TUFT1: variants seen among roughly 807,000 people sequenced by gnomAD.
The protein encoded by TUFT1 is tuftelin.
A neutral mutation model predicts 57.8 loss-of-function variants in TUFT1; 43 were observed. The observed-to-expected ratio is 0.74, with a 90% CI of 0.58 to 0.96. The LOEUF (loss-of-function observed/expected upper bound fraction) is 0.96, where lower values mean the gene tolerates loss of function less well. TUFT1 is among the 40% of genes least tolerant of loss of function. TUFT1 has a pLI of 0.00. For synonymous variants in TUFT1, 166 were observed against 176.7 expected (o/e 0.94, Z 0.48); for missense variants, 459 against 489.0 (o/e 0.94, Z 0.58).
chr1:151,575,127 T>G, intron 9 of TUFT1, 122 bp downstream of exon 9: 2 of 861,404 alleles, frequency 2.3e-6, no homozygotes, highest in Non-Finnish European at 3.6e-6. Context: ...TGTCAGATCT[T>G]CCAGCTCTGA....
chr1:151,562,550 C>CT (rs1364698363), intron 2 of TUFT1, 35 bp from the exon 3 acceptor site: 1 of 1,533,962 alleles, frequency 6.5e-7, no homozygotes, highest in South Asian at 1.1e-5. Context: ...AGCCATCTCT[C>CT]TCTCTCTCTC....
At chr1:151,572,915 GA>G (rs1450615160) in intron 7 of TUFT1, among the ~76,000 whole-genome samples, 1 of 152,204 alleles carries the variant, frequency 6.6e-6, no homozygotes, top group Non-Finnish European at 1.5e-5. Flanking sequence ...AGGCTTTCCA[GA>G]AGTTACCTGG....
chr1:151,549,947 C>G (rs1031124854), intron 1 of TUFT1, among the ~76,000 whole-genome samples: 5 of 152,192 alleles, frequency 3.3e-5, no homozygotes, highest in Non-Finnish European at 7.3e-5. Context: ...GTCTCAAACT[C>G]CTGGACTCAG....
At chr1:151,569,853 C>T in intron 7 of TUFT1, 83 bp downstream of exon 7, 2 of 1,148,260 alleles carry the variant, frequency 1.7e-6, no homozygotes, top group Non-Finnish European at 1.3e-6. Context: ...GCTTGGACTT[C>T]CTGTCTTTCT....
chr1:151,543,086 C>T (rs896923643), intron 1 of TUFT1, among the ~76,000 whole-genome samples: 3 of 152,120 alleles, frequency 2.0e-5, no homozygotes, highest in Non-Finnish European at 1.5e-5. Flanking sequence ...TGTGCCTTAG[C>T]GTATCACATG....
intron 7 of TUFT1, among the ~76,000 whole-genome samples, chr1:151,571,111 G>T (rs1044589819): frequency 1.3e-5 from 2 of 152,222 alleles, no homozygotes; most frequent in African/African-American, 4.8e-5. Context: ...GTTATGATAG[G>T]GTTATAGCCT....
intron 7 of TUFT1, 85 bp from the exon 8 acceptor site, chr1:151,574,185 A>G: frequency 1.3e-6 from 2 of 1,525,834 alleles, no homozygotes; most frequent in Non-Finnish European, 8.8e-7. Flanking sequence ...AGAGCCGCCC[A>G]GGTTCCTGGG....
rs934379423 is a variant in TUFT1, at chr1:151,563,827, G to A, written c.238-77G>A. On this transcript the variant is annotated intron_variant, in intron 3 of 12. Coordinates refer to ENST00000368849, the MANE Select transcript of TUFT1 (RefSeq NM_020127.3). ...GTGGTAACAATTTACCCTCCCACCA[G>A]CACTATATGAAGCTGCCTATTTTTG... 46 of 1,254,758 alleles carry A rather than the reference G, an allele frequency of 3.7e-5. No individual in the cohort carries two copies. In the African/African-American group the frequency reaches 5.9e-4, roughly 16 times the overall value. The allele number at this position is 1,254,758 out of a possible 1,614,324, so 77.7% of individuals were successfully genotyped here. A position where few individuals can be genotyped will look rare whatever the true frequency, so the allele number is the denominator to read the frequency against.
In TUFT1 at chr1:151,566,125, A is replaced by T. The variant is rs371360753; in HGVS notation, c.415-38A>T. On this transcript the variant is annotated intron_variant, in intron 5 of 12. Coordinates refer to ENST00000368849, the MANE Select transcript of TUFT1 (RefSeq NM_020127.3). ...TAATGTTTCAAAGTTGGTTGCTTTC[A>T]TCTGTTTTAACTACCAATTTTATTT... 81 of 1,540,824 alleles carry T rather than the reference A, an allele frequency of 5.3e-5. 1 individual carries two copies. Among genetic ancestry groups the T allele is most frequent in the Non-Finnish European group, 6.9e-5 (78 of 1,138,496 alleles).
At chr1:151,542,258 T>G (rs952519373) in intron 1 of TUFT1, among the ~76,000 whole-genome samples, 1 of 152,130 alleles carries the variant, frequency 6.6e-6, no homozygotes, top group Non-Finnish European at 1.5e-5. Flanking sequence ...CCTTGCTCTG[T>G]TGCCCAGGCT....
chr1:151,582,724 C>G lies in TUFT1; in HGVS notation c.*1017C>G, dbSNP rs919864661. The G allele has an allele frequency of 6.5e-6, 1 of 154,670 alleles. No individual in the cohort carries two copies. The highest frequency in any genetic ancestry group is 1.4e-5 in the Non-Finnish European group (1 of 69,876). The allele number at this position is 154,670 out of a possible 1,614,324, so 9.6% of individuals were successfully genotyped here. A position where few individuals can be genotyped will look rare whatever the true frequency, so the allele number is the denominator to read the frequency against. ...CTCTGCCTGTTTCTTCTCTCTTTCT[C>G]CTTCAAACTTGCTCTGCAGCTAAGG... On this transcript the variant is annotated 3_prime_UTR_variant, in exon 13 of 13. Transcript: ENST00000368849.
Position 151,583,437 on chromosome 1 carries a change from G to A in TUFT1, c.*1730G>A, listed in dbSNP as rs1666703950. The A allele has an allele frequency of 6.6e-6, 1 of 152,212 alleles. No individual in the cohort carries two copies. Among genetic ancestry groups the A allele is most frequent in the Non-Finnish European group, 1.5e-5 (1 of 68,044 alleles). 9.4% of individuals were successfully genotyped at this position (152,212 alleles called of 1,614,324 possible). On this transcript the variant is annotated 3_prime_UTR_variant, in exon 13 of 13. Transcript: ENST00000368849. ...ACATTCTGGCTTTGTCCATAACAAT[G>A]CTCTGGGATTTCAGGGAGTTCCCTC...
intron 2 of TUFT1, 106 bp from the exon 3 acceptor site, chr1:151,562,479 A>T (rs1410370290): frequency 1.0e-6 from 1 of 996,748 alleles, no homozygotes; most frequent in Non-Finnish European, 1.5e-6. Context: ...AAGTCTTTTG[A>T]GAAACAGGTC....
At chr1:151,560,010 G>A (rs1177168327) in intron 1 of TUFT1, among the ~76,000 whole-genome samples, 1 of 151,458 alleles carries the variant, frequency 6.6e-6, no homozygotes. Context: ...TGGCCAGGCT[G>A]GTCTCGAACT....
At chr1:151,547,153 G>A (rs570648962) in intron 1 of TUFT1, among the ~76,000 whole-genome samples, 10 of 152,262 alleles carry the variant, frequency 6.6e-5, no homozygotes, top group African/African-American at 2.4e-4. Flanking sequence ...TTATTGCCAG[G>A]TTCTTACTTT....
intron 7 of TUFT1, among the ~76,000 whole-genome samples, chr1:151,574,016 G>C (rs1350390668): frequency 6.6e-6 from 1 of 152,164 alleles, no homozygotes. Flanking sequence ...AGTGGTGCTT[G>C]TGGGTTCCAG....
chr1:151,569,902 C>G (rs1411390319), intron 7 of TUFT1, 132 bp downstream of exon 7: 1 of 730,200 alleles, frequency 1.4e-6, no homozygotes. Context: ...GGCTGTGAAG[C>G]CTGGAACGCT....
At chr1:151,566,993 A>C (rs1303244169) in intron 6 of TUFT1, among the ~76,000 whole-genome samples, 2 of 151,168 alleles carry the variant, frequency 1.3e-5, no homozygotes, top group African/African-American at 2.4e-5. Context: ...ATCATGGCTC[A>C]CTGCAGCCTC....
At chr1:151,557,563 C>G in intron 1 of TUFT1, 8 of 1,140,048 alleles carry the variant, frequency 7.0e-6, no homozygotes. Context: ...CAAGGATGTG[C>G]CCAATCTTCA....
Sources: gnomAD v4.1 joint callset for allele counts (sites outside exome capture counted in the v4.1 genomes callset) on GRCh38, gnomAD v4.1.1 for gene constraint, MANE v1.5 for transcripts, NCBI Gene and HGNC (gene_info 2026-07-23, HGNC 2026-07-21) for gene names.